The following FGF13 variants were observed in gnomAD, a reference collection of about 807,000 sequenced individuals.
FGF13 encodes fibroblast growth factor 13.
Under a neutral mutation model 19.5 loss-of-function variants are expected in FGF13, and 2 were observed. The observed-to-expected ratio is 0.10, with a 90% confidence interval of 0.04 to 0.32. The LOEUF is 0.32. Among genes scored for constraint, FGF13 ranks in the 10% least tolerant of loss-of-function variants. The pLI is 1.00. For synonymous variants in FGF13, 72 were observed against 76.9 expected (o/e 0.94, Z 0.33); for missense variants, 113 against 192.7 (o/e 0.59, Z 2.45).
intron 1 of FGF13, among the ~76,000 whole-genome samples, chrX:139,028,582 C>CGTGTGT (rs1203709668): frequency 0.034 from 2,110 of 61,457 alleles, 36 homozygotes; most frequent in East Asian, 0.052. Context: ...GGAGAGAGAG[C>CGTGTGT]GTGTGTGTGT....
chrX:138,708,991 G>C (rs1163787693), intron 1 of FGF13, 63 bp from the exon 2 acceptor site: 1 of 577,223 alleles, frequency 1.7e-6, no homozygotes, highest in Non-Finnish European at 2.7e-6. Context: ...GAAAAGACTA[G>C]GAATTTCAAT....
chrX:138,915,959 T>C (rs2091616004), intron 1 of FGF13, among the ~76,000 whole-genome samples: 1 of 112,015 alleles, frequency 8.9e-6, no homozygotes, highest in African/African-American at 3.2e-5. Flanking sequence ...TTCTTACCCA[T>C]TCCATAGCAA....
chrX:138,992,048 G>A (rs1042231553), intron 1 of FGF13, among the ~76,000 whole-genome samples: 1 of 111,465 alleles, frequency 9.0e-6, no homozygotes, highest in Non-Finnish European at 1.9e-5. Flanking sequence ...CTAATTATAA[G>A]TGAGCTTAGG....
chrX:138,639,224 G>A (rs2089221398), intron 3 of FGF13, among the ~76,000 whole-genome samples: 1 of 111,747 alleles, frequency 8.9e-6, no homozygotes, highest in South Asian at 3.8e-4. Flanking sequence ...CCCAACCCAC[G>A]AAATCCCTGT....
At chrX:138,686,247 A>T (rs2089781786) in intron 3 of FGF13, among the ~76,000 whole-genome samples, 1 of 111,886 alleles carries the variant, frequency 8.9e-6, no homozygotes, top group Non-Finnish European at 1.9e-5. Context: ...CTATATTCTT[A>T]TTTATAATGT....
intron 1 of FGF13, among the ~76,000 whole-genome samples, chrX:139,107,786 G>A (rs921675228): frequency 1.4e-4 from 15 of 110,529 alleles, no homozygotes; most frequent in Non-Finnish European, 2.5e-4. Flanking sequence ...AGAAGGAAGA[G>A]GAGAGGAGAG....
intron 3 of FGF13, among the ~76,000 whole-genome samples, chrX:138,700,287 GCTTTCT>G (rs766459234): frequency 1.8e-3 from 200 of 110,985 alleles, no homozygotes; most frequent in African/African-American, 5.5e-3. Context: ...GCTTACTTTT[GCTTTCT>G]CTTTAGGTCA....
intron 1 of FGF13, among the ~76,000 whole-genome samples, chrX:139,115,823 A>C (rs1292284481): frequency 8.9e-6 from 1 of 112,755 alleles, no homozygotes; most frequent in African/African-American, 3.2e-5. Context: ...CGTGAACTCC[A>C]TGACTACAGA....
intron 1 of FGF13, among the ~76,000 whole-genome samples, chrX:138,997,798 G>A (rs1190350796): frequency 1.8e-5 from 2 of 111,896 alleles, no homozygotes; most frequent in Non-Finnish European, 3.8e-5. Context: ...ACCTAGCAAG[G>A]CAGGCCAACA....
At chrX:139,135,521 A>G (rs1170302034) in intron 1 of FGF13, among the ~76,000 whole-genome samples, 1 of 112,345 alleles carries the variant, frequency 8.9e-6, no homozygotes, top group Non-Finnish European at 1.9e-5. Flanking sequence ...TTCTTTTCAA[A>G]GCAGCATGGA....
intron 4 of FGF13, 60 bp downstream of exon 4, chrX:138,635,397 T>A (rs1020929207): frequency 2.8e-6 from 3 of 1,084,728 alleles, no homozygotes; most frequent in African/African-American, 3.8e-5. Flanking sequence ...TATTGAAATT[T>A]AATAAATAAA....
chrX:138,687,540 G>A (rs1230217451), intron 3 of FGF13, among the ~76,000 whole-genome samples: 1 of 111,891 alleles, frequency 8.9e-6, no homozygotes, highest in African/African-American at 3.2e-5. Flanking sequence ...GAGAATCCTT[G>A]TACACTGTTG....
upstream of FGF13, among the ~76,000 whole-genome samples, chrX:138,713,739 G>A (rs183882098): frequency 4.5e-3 from 506 of 112,166 alleles, 3 homozygotes; most frequent in Non-Finnish European, 7.8e-3. Flanking sequence ...GACGCCTGTA[G>A]AATTATTGGT....
rs766225179 is a variant in FGF13, at chrX:138,998,506, A to G, written c.-112-133856T>C. On this transcript the variant is annotated intron_variant, in intron 1 of 2. Coordinates refer to the FGF13 transcript ENST00000421460. ...AGGATGATTTACCAAGCAAATGGAA[A>G]GAAAAAAAAAAAAGCAGGGGTTGCA... Among the ~76,000 whole-genome samples the G allele has an allele frequency of 7.7e-4, 27 of 35,007 alleles. No individual in the cohort carries two copies. In the East Asian group the frequency reaches 0.023, roughly 30 times the overall value. The allele number at this position is 35,007 out of a possible 115,157, so 30.4% of individuals were successfully genotyped here. A position where few individuals can be genotyped will look rare whatever the true frequency, so the allele number is the denominator to read the frequency against.
At chrX:139,048,034 T>C (rs186755762) in intron 1 of FGF13, among the ~76,000 whole-genome samples, 3,456 of 111,448 alleles carry the variant, frequency 0.031, 165 homozygotes, top group African/African-American at 0.11. Flanking sequence ...GAGATTTTTT[T>C]TCTTTAAAGA....
intron 1 of FGF13, among the ~76,000 whole-genome samples, chrX:139,119,099 G>A (rs2083659635): frequency 8.9e-6 from 1 of 111,817 alleles, no homozygotes; most frequent in South Asian, 3.8e-4. Context: ...CTACTCTGGA[G>A]GCAGAGGTGG....
intron 1 of FGF13, among the ~76,000 whole-genome samples, chrX:138,956,200 A>T (rs979698196): frequency 3.6e-5 from 4 of 111,668 alleles, no homozygotes; most frequent in African/African-American, 1.3e-4. Flanking sequence ...ACAGGATGGC[A>T]CTTTGTCGAG....
intron 3 of FGF13, among the ~76,000 whole-genome samples, chrX:138,814,769 G>T (rs920878933): frequency 1.8e-5 from 2 of 111,243 alleles, no homozygotes; most frequent in African/African-American, 6.5e-5. Flanking sequence ...AGCTATCATG[G>T]AAAACAGTAT....
At chrX:138,878,850 G>C (rs1382316165) in intron 1 of FGF13, among the ~76,000 whole-genome samples, 4 of 111,760 alleles carry the variant, frequency 3.6e-5, no homozygotes, top group Non-Finnish European at 7.5e-5. Context: ...ATTCTAACTG[G>C]TGTGCGATGG....
Sources: gnomAD v4.1 joint callset for allele counts (sites outside exome capture counted in the v4.1 genomes callset) on GRCh38, gnomAD v4.1.1 for gene constraint, MANE v1.5 for transcripts, NCBI Gene and HGNC (gene_info 2026-07-23, HGNC 2026-07-21) for gene names.